The following SPACA7 variants were observed in gnomAD, a reference collection of about 807,000 sequenced individuals.
SPACA7 encodes sperm acrosome-associated protein 7.
A neutral mutation model predicts 26.3 loss-of-function variants in SPACA7; 19 were observed. The observed-to-expected ratio is 0.72, with a 90% CI of 0.50 to 1.06. The LOEUF is 1.06. SPACA7 is among the 50% of genes least tolerant of loss of function. The pLI is 0.00. For missense variants in SPACA7, 211 were observed against 229.9 expected (o/e 0.92, Z 0.53); for synonymous variants, 84 against 84.5 (o/e 0.99, Z 0.04).
At chr13:112,407,285 C>T (rs1168136061) in intron 5 of SPACA7, among the ~76,000 whole-genome samples, 4 of 152,096 alleles carry the variant, frequency 2.6e-5, no homozygotes, top group African/African-American at 9.7e-5. Flanking sequence ...AAAATTGACA[C>T]CCTAACATCA....
At chr13:112,414,423 T>C (rs1267947052) in intron 5 of SPACA7, among the ~76,000 whole-genome samples, 1 of 93,040 alleles carries the variant, frequency 1.1e-5, no homozygotes, top group East Asian at 3.3e-4. Flanking sequence ...TTTTTTTTTT[T>C]TTTTTGAGAT....
chr13:112,382,025 G>A (rs1274864565), intron 1 of SPACA7, among the ~76,000 whole-genome samples: 1 of 152,186 alleles, frequency 6.6e-6, no homozygotes, highest in Non-Finnish European at 1.5e-5. Context: ...CAGGCAAGAA[G>A]GAGGACTGCT....
At position 112,404,510 on chromosome 13, in the gene SPACA7, T is replaced by G. The variant is rs200674983; in HGVS notation, c.445+3346T>G. On this transcript the variant is annotated intron_variant, in intron 5 of 6. Transcript: ENST00000283550. ...TGCCTAAGCAAATGTCTAGAAGGTT[T>G]TTTTCCAATGTTATCTTCTAGAATT... Among the ~76,000 whole-genome samples, 22 of 152,350 alleles carry G rather than the reference T, an allele frequency of 1.4e-4. No individual in the cohort carries two copies. The East Asian group carries it at 4.2e-3, about 29-fold the overall frequency.
chr13:112,414,090 AC>A (rs1886521008), intron 5 of SPACA7, among the ~76,000 whole-genome samples: 1 of 152,120 alleles, frequency 6.6e-6, no homozygotes, highest in Non-Finnish European at 1.5e-5. Context: ...AGGGGAAGGC[AC>A]CAAGCTGTTT....
intron 1 of SPACA7, among the ~76,000 whole-genome samples, chr13:112,392,680 G>A (rs1884970078): frequency 6.6e-6 from 1 of 152,202 alleles, no homozygotes; most frequent in South Asian, 2.1e-4. Flanking sequence ...AGCTGGGTGA[G>A]CCCAGTCATC....
At chr13:112,382,747 G>A (rs1884162251) in intron 1 of SPACA7, among the ~76,000 whole-genome samples, 1 of 152,062 alleles carries the variant, frequency 6.6e-6, no homozygotes, top group African/African-American at 2.4e-5. Flanking sequence ...CAGCACTTTT[G>A]GAGACTGAGG....
chr13:112,400,889 T>C (rs796928581), intron 4 of SPACA7, among the ~76,000 whole-genome samples, 180 bp from the exon 5 acceptor site: 16 of 152,338 alleles, frequency 1.1e-4, no homozygotes, highest in African/African-American at 3.6e-4. Flanking sequence ...GTAGTTTTAA[T>C]AGTCAGATGA....
At chr13:112,379,071 A>C (rs1291831096) in intron 1 of SPACA7, among the ~76,000 whole-genome samples, 4 of 152,216 alleles carry the variant, frequency 2.6e-5, no homozygotes, top group Admixed American at 6.5e-5. Context: ...TAAATCTGGA[A>C]AACAAAACAT....
At chr13:112,383,750 A>G (rs1261163416) in intron 1 of SPACA7, among the ~76,000 whole-genome samples, 1 of 152,204 alleles carries the variant, frequency 6.6e-6, no homozygotes, top group Non-Finnish European at 1.5e-5. Flanking sequence ...AGATTTCCCA[A>G]CGGGCTTTAA....
chr13:112,385,364 T>C (rs1186981528), intron 1 of SPACA7, among the ~76,000 whole-genome samples: 1 of 152,226 alleles, frequency 6.6e-6, no homozygotes, highest in Non-Finnish European at 1.5e-5. Context: ...TAAAACTGTT[T>C]CTCCAGTAAT....
At chr13:112,394,480 T>C (rs1594263813) in intron 2 of SPACA7, among the ~76,000 whole-genome samples, 1 of 151,618 alleles carries the variant, frequency 6.6e-6, no homozygotes, top group Non-Finnish European at 1.5e-5. Flanking sequence ...TTCCAGGAGC[T>C]GTCGCTGTCA....
chr13:112,384,694 T>G (rs1566454809), intron 1 of SPACA7, among the ~76,000 whole-genome samples: 1 of 152,160 alleles, frequency 6.6e-6, no homozygotes, highest in Non-Finnish European at 1.5e-5. Flanking sequence ...AGAAAAACCT[T>G]TACTCTGATA....
intron 1 of SPACA7, among the ~76,000 whole-genome samples, chr13:112,389,675 A>C (rs1884748887): frequency 6.6e-6 from 1 of 152,236 alleles, no homozygotes; most frequent in South Asian, 2.1e-4. Context: ...TATGTAACAT[A>C]GGTACATACA....
rs1178140956 is a variant in SPACA7 at position 112,423,300 on chromosome 13, C to T, written c.446-9144C>T. Among the ~76,000 whole-genome samples, 5 of 151,934 alleles carry T rather than the reference C, an allele frequency of 3.3e-5. 1 individual carries two copies. Among genetic ancestry groups the T allele is most frequent in the Admixed American group, 1.3e-4 (2 of 15,248 alleles). ...GTTGTGGGATGCAACTGAAGCAGTG[C>T]TCAAATGGAAATTTATAGCATTAAA... On this transcript the variant is annotated intron_variant, in intron 5 of 6. Transcript: ENST00000283550.
At chr13:112,383,115 GAAAAGAAAA>G (rs1884235221) in intron 1 of SPACA7, among the ~76,000 whole-genome samples, 1 of 7,956 alleles carries the variant, frequency 1.3e-4, no homozygotes, top group African/African-American at 2.6e-4. Context: ...GAAAAGAAAA[GAAAAGAAAA>G]GAAAGAAAGA....
intron 2 of SPACA7, among the ~76,000 whole-genome samples, chr13:112,394,883 C>T (rs1885135321): frequency 6.6e-6 from 1 of 152,166 alleles, no homozygotes; most frequent in Non-Finnish European, 1.5e-5. Context: ...TTTCCTGGGT[C>T]CTGACCAACT....
At position 112,396,089 on chromosome 13, in the gene SPACA7, A is replaced by T. The variant is rs60158678; in HGVS notation, c.152-1960A>T. The stretch of plus-strand genomic sequence containing the variant: ...GAACGCGCCTCCTCACAGCTGGGCC[A>T]CCATCCACCCGCCTCAGGGAATCCC... On this transcript the variant is annotated intron_variant, in intron 2 of 6. Coordinates refer to ENST00000283550, the MANE Select transcript of SPACA7 (RefSeq NM_145248.5). Among the ~76,000 whole-genome samples, 28 of 135,792 alleles carry T rather than the reference A, an allele frequency of 2.1e-4. 4 individuals carry two copies. The highest frequency in any genetic ancestry group is 6.6e-4 in the African/African-American group (26 of 39,512). 89.1% of individuals were successfully genotyped at this position (135,792 alleles called of 152,430 possible). A position where few individuals can be genotyped will look rare whatever the true frequency, so the allele number is the denominator to read the frequency against.
At chr13:112,406,404 C>G (rs919568045) in intron 5 of SPACA7, among the ~76,000 whole-genome samples, 1 of 152,128 alleles carries the variant, frequency 6.6e-6, no homozygotes, top group African/African-American at 2.4e-5. Flanking sequence ...AGGTTCATCC[C>G]TGTCTTAGCA....
chr13:112,427,024 A>T (rs1876601950), intron 5 of SPACA7, among the ~76,000 whole-genome samples: 1 of 152,198 alleles, frequency 6.6e-6, no homozygotes, highest in South Asian at 2.1e-4. Context: ...TTTTTTATAC[A>T]TTCCTTTTGT....
Sources: allele counts gnomAD v4.1 joint callset (sites outside exome capture counted in the v4.1 genomes callset), GRCh38; gene constraint gnomAD v4.1.1; transcripts MANE v1.5; gene names NCBI Gene and HGNC (gene_info 2026-07-23, HGNC 2026-07-21).